Variants in MRPL47 observed in about 807,000 individuals in gnomAD.
MRPL47 encodes mitochondrial ribosomal protein L47.
In MRPL47, 31 loss-of-function variants were observed where a neutral mutation model predicts 34.0. The observed-to-expected ratio is 0.91, with a 90% CI of 0.68 to 1.23. The LOEUF is 1.23. Among genes scored for constraint, MRPL47 ranks in the 50% most tolerant of loss-of-function variants. The probability of loss-of-function intolerance (pLI) is 0.00; values close to 1 mark genes in which losing one functional copy is unlikely to be tolerated. For missense variants in MRPL47, 328 were observed against 285.8 expected (o/e 1.15, Z -1.07); for synonymous variants, 106 against 101.6 (o/e 1.04, Z -0.26).
At chr3:179,598,426 A>ACACAC (rs1553779586) in intron 4 of MRPL47, among the ~76,000 whole-genome samples, 4 of 142,408 alleles carry the variant, frequency 2.8e-5, no homozygotes, top group South Asian at 2.3e-4. Context: ...ACACACACAC[A>ACACAC]AACAAAAAAA....
chr3:179,598,656 A>G lies in MRPL47; in HGVS notation c.402+19T>C, dbSNP rs995284647. ...GCTGTAATCATGTATACCAGTCTCCAGCCTCTCCCAATCCTTACCTTATCT... is the reference window on the plus strand; with the variant it reads ...GCTGTAATCATGTATACCAGTCTCCGGCCTCTCCCAATCCTTACCTTATCT... On this transcript the variant is annotated intron_variant, in intron 4 of 6. Transcript: ENST00000476781. 2.0e-6 allele frequency: 3 copies of G among 1,503,430 alleles called. No homozygotes were observed. Among genetic ancestry groups the G allele is most frequent in the Non-Finnish European group, 2.8e-6 (3 of 1,079,804 alleles). The allele number at this position is 1,503,430 out of a possible 1,614,324, so 93.1% of individuals were successfully genotyped here.
chr3:179,597,898 C>T (rs919883092), intron 4 of MRPL47, among the ~76,000 whole-genome samples: 8 of 152,104 alleles, frequency 5.3e-5, no homozygotes, highest in African/African-American at 1.9e-4. Context: ...ATGGTCAAGA[C>T]AGTAAATTTT....
chr3:179,589,562 C>T lies in MRPL47; in HGVS notation c.630-567G>A, dbSNP rs145650261. 3.3e-5 allele frequency among the ~76,000 whole-genome samples: 5 copies of T among 152,202 alleles called. No individual in the cohort carries two copies. In the East Asian group the frequency reaches 9.6e-4, roughly 29 times the overall value. ...GTAAAAATTGAAAATGAAAAAAATC[C>T]TTGCATACCAAGCTCTATTTGAATT... On this transcript the variant is annotated intron_variant, in intron 6 of 6. Coordinates refer to ENST00000476781, the MANE Select transcript of MRPL47 (RefSeq NM_020409.3).
chr3:179,588,683 C>A lies in MRPL47; in HGVS notation c.*189G>T. 2.2e-6 allele frequency: 1 copy of A among 456,818 alleles called. No individual in the cohort carries two copies. Among genetic ancestry groups the A allele is most frequent in the South Asian group, 4.1e-5 (1 of 24,412 alleles). The allele number at this position is 456,818 out of a possible 1,614,324, so 28.3% of individuals were successfully genotyped here. ...TGGGAATCTCATCTGAACTTTATAC[C>A]TGATTTTTAGAAGCAAATTAGCTTC... On this transcript the variant is annotated 3_prime_UTR_variant, in exon 7 of 7. Coordinates refer to ENST00000476781, the MANE Select transcript of MRPL47 (RefSeq NM_020409.3).
rs1718588531 is a variant in MRPL47 at position 179,588,785 on chromosome 3, A to AT, written c.*86dup. The AT allele has an allele frequency of 7.7e-7, 1 of 1,305,764 alleles. No homozygotes were observed. Among genetic ancestry groups the AT allele is most frequent in the East Asian group, 2.4e-5 (1 of 42,046 alleles). 80.9% of individuals were successfully genotyped at this position (1,305,764 alleles called of 1,614,324 possible). A position where few individuals can be genotyped will look rare whatever the true frequency, so the allele number is the denominator to read the frequency against. On this transcript the variant is annotated 3_prime_UTR_variant, in exon 7 of 7. Transcript: ENST00000476781. ...GTAAAGTCACTTGACTAAAAACAGA[A>AT]TTTCTTTATAAACCACTTAACATAT... is the stretch of plus-strand genomic sequence containing the variant.
chr3:179,598,230 T>C (rs1205088519), intron 4 of MRPL47, among the ~76,000 whole-genome samples: 2 of 151,672 alleles, frequency 1.3e-5, no homozygotes, highest in Admixed American at 1.3e-4. Context: ...ATACCAAAGA[T>C]ACAAAAATTA....
intron 3 of MRPL47, among the ~76,000 whole-genome samples, chr3:179,599,561 C>G (rs1306088622): frequency 2.0e-5 from 3 of 152,200 alleles, no homozygotes; most frequent in Non-Finnish European, 2.9e-5. Context: ...ATTCAAATCC[C>G]TGATCTCTGT....
rs1296943888 is a variant in MRPL47, at chr3:179,592,723, A to G, written c.550T>C (p.Trp184Arg). The G allele has an allele frequency of 6.2e-7, 1 of 1,612,494 alleles. No individual in the cohort carries two copies. Among genetic ancestry groups the G allele is most frequent in the Admixed American group, 1.7e-5 (1 of 59,758 alleles). ...TTATTTAGGTGCCAAGGTATAACCC[A>G]CTGCTTGAACTTGTGCCTGCCAATA... ...GRIIWHKFKQ[W>R]VIPWHLNKRY... Residue 184 changes from tryptophan to arginine, a missense_variant, in exon 6 of 7, where the codon TGG becomes CGG. Transcript: ENST00000476781.
chr3:179,593,638 C>CT (rs1045999259), intron 5 of MRPL47, 127 bp downstream of exon 5: 22 of 836,430 alleles, frequency 2.6e-5, no homozygotes, highest in Non-Finnish European at 3.3e-5. Context: ...GGGGCCTCTT[C>CT]TTTTATTAGA....
rs778575951 is a variant in MRPL47, at chr3:179,588,879, A to AGACTT, written c.741_745dup (p.Leu249GlnfsTer18). Reference sequence around the variant, plus strand: ...TTTAATAGTTCAGACATCTTAGACAAGACTTGACTTTTGGGCTTCAGCAAG... The same window carrying AGACTT: ...TTTAATAGTTCAGACATCTTAGACAAGACTTGACTTGACTTTTGGGCTTCAGCAAG... On this transcript the variant is annotated frameshift_variant, in exon 7 of 7. Transcript: ENST00000476781. LOFTEE classifies it high-confidence loss of function. 56 of 1,613,216 alleles carry AGACTT rather than the reference A, an allele frequency of 3.5e-5. No individual in the cohort carries two copies. The highest frequency in any genetic ancestry group is 4.6e-5 in the Non-Finnish European group (54 of 1,179,672).
At chr3:179,602,905 A>T (rs1718962013) in intron 1 of MRPL47, 108 bp from the exon 2 acceptor site, 4 of 932,598 alleles carry the variant, frequency 4.3e-6, no homozygotes, top group East Asian at 2.8e-5. Flanking sequence ...ATAACATTTT[A>T]AAAAGCTACT....
chr3:179,601,752 T>A lies in MRPL47; in HGVS notation c.283A>T (p.Asn95Tyr), dbSNP rs916030003. Reference sequence around the variant, plus strand: ...TACCAAAGTTTGTGTAAATCTTCATTACTTTTGTTCCTTAGTTGCTGACAG... The same window carrying A: ...TACCAAAGTTTGTGTAAATCTTCATAACTTTTGTTCCTTAGTTGCTGACAG... Reference protein sequence around the residue: ...WTCQQLRNKSNEDLHKLWYVL... With the variant: ...WTCQQLRNKSYEDLHKLWYVL... The change falls in exon 3 of 7, where the codon AAT (asparagine) becomes TAT (tyrosine). Residue 95 changes from asparagine to tyrosine, a missense_variant. Transcript: ENST00000476781. The A allele has an allele frequency of 1.9e-6, 3 of 1,608,036 alleles. No homozygotes were observed. The highest frequency in any genetic ancestry group is 2.6e-6 in the Non-Finnish European group (3 of 1,174,916).
At chr3:179,589,450 C>T (rs1164955812) in intron 6 of MRPL47, among the ~76,000 whole-genome samples, 4 of 152,130 alleles carry the variant, frequency 2.6e-5, no homozygotes, top group Non-Finnish European at 5.9e-5. Flanking sequence ...TGAGTTTGTT[C>T]CCACACATCA....
chr3:179,600,131 A>C (rs1718893346), intron 3 of MRPL47, among the ~76,000 whole-genome samples: 1 of 152,108 alleles, frequency 6.6e-6, no homozygotes, highest in Non-Finnish European at 1.5e-5. Flanking sequence ...AAAAAAAAAA[A>C]AACAAAAAAG....
chr3:179,599,309 C>CT (rs1718872373), intron 3 of MRPL47, among the ~76,000 whole-genome samples: 2 of 152,164 alleles, frequency 1.3e-5, no homozygotes, highest in African/African-American at 2.4e-5. Context: ...GCTAAGAGAG[C>CT]TACAAAGAGG....
At chr3:179,590,945 T>C (rs553740923) in intron 6 of MRPL47, among the ~76,000 whole-genome samples, 2 of 152,312 alleles carry the variant, frequency 1.3e-5, no homozygotes, top group East Asian at 3.9e-4. Context: ...CTGGATGTAC[T>C]ACAGATAAAA....
At chr3:179,596,136 T>G (rs575339486) in intron 4 of MRPL47, among the ~76,000 whole-genome samples, 2 of 152,368 alleles carry the variant, frequency 1.3e-5, no homozygotes, top group Admixed American at 1.3e-4. Flanking sequence ...GTTACAATCA[T>G]AGCTAACTAT....
intron 2 of MRPL47, 141 bp downstream of exon 2, chr3:179,602,511 T>G: frequency 1.8e-6 from 1 of 550,618 alleles, no homozygotes; most frequent in Non-Finnish European, 3.1e-6. Flanking sequence ...TTTTCTCTAG[T>G]AGACAGTCTC....
chr3:179,604,392 C>T (rs1359094780), intron 1 of MRPL47, 135 bp downstream of exon 1: 4 of 761,200 alleles, frequency 5.3e-6, no homozygotes, highest in African/African-American at 1.8e-5. Context: ...ACTCACTCCT[C>T]ACCAAAGTGG....
Sources: allele counts gnomAD v4.1 joint callset (sites outside exome capture counted in the v4.1 genomes callset), GRCh38; gene constraint gnomAD v4.1.1; transcripts MANE v1.5; gene names NCBI Gene and HGNC (gene_info 2026-07-23, HGNC 2026-07-21).